BUD23: variants seen among roughly 807,000 people sequenced by gnomAD.
BUD23 encodes the protein 18S rRNA (guanine-N(7))-methyltransferase.
A neutral mutation model predicts 47.0 loss-of-function variants in BUD23; 34 were observed. That is an observed-to-expected ratio of 0.72 (90% CI 0.55 to 0.96). The LOEUF (loss-of-function observed/expected upper bound fraction) is 0.96, where lower values mean the gene tolerates loss of function less well. BUD23 is among the 40% of genes least tolerant of loss of function. The probability of loss-of-function intolerance (pLI) is 0.00; values close to 1 mark genes in which losing one functional copy is unlikely to be tolerated. For synonymous variants in BUD23, 124 were observed against 132.0 expected, an observed-to-expected ratio of 0.94 and a Z score of 0.41; for missense variants, 343 against 361.2, an observed-to-expected ratio of 0.95 and a Z score of 0.41.
Position 73,697,960 on chromosome 7 carries a change from A to T in BUD23, c.*74A>T. The T allele has an allele frequency of 1.3e-6, 2 of 1,528,604 alleles. No homozygotes were observed. Among genetic ancestry groups the T allele is most frequent in the African/African-American group, 1.4e-5 (1 of 71,562 alleles). The allele number at this position is 1,528,604 out of a possible 1,614,324, so 94.7% of individuals were successfully genotyped here. A position where few individuals can be genotyped will look rare whatever the true frequency, so the allele number is the denominator to read the frequency against. On this transcript the variant is annotated 3_prime_UTR_variant, in exon 12 of 12. Transcript: ENST00000265758. The stretch of plus-strand genomic sequence containing the variant: ...TGTTCAGCTGACAAAGTAGTATTTT[A>T]GAAAAGTTCTAAAGTTATAAAAATG...
rs1262372641 is a variant in BUD23 at position 73,692,621 on chromosome 7, A to G, written c.485A>G (p.Gln162Arg). 1.2e-6 allele frequency: 2 copies of G among 1,614,002 alleles called. No individual in the cohort carries two copies. Among genetic ancestry groups the G allele is most frequent in the East Asian group, 4.5e-5 (2 of 44,872 alleles). ...GTCCGGGGATCCCGAGCTGTCCTGC[A>G]GCTGTACCCTGAGAACTCAGAGCAG... The part of the protein sequence containing the change: ...VLVRGSRAVL[Q>R]LYPENSEQLE... Residue 162 changes from glutamine to arginine, a missense_variant, in exon 7 of 12, where the codon CAG becomes CGG. Physicochemically the swap from Gln to Arg is conservative, Grantham distance 43. Coordinates refer to ENST00000265758, the MANE Select transcript of BUD23 (RefSeq NM_017528.5).
At chr7:73,692,281 C>T (rs1396994933) in intron 6 of BUD23, among the ~76,000 whole-genome samples, 1 of 152,220 alleles carries the variant, frequency 6.6e-6, no homozygotes, top group East Asian at 1.9e-4. Context: ...CAAATCTCTG[C>T]TCAAGTATCC....
chr7:73,685,291 A>G (rs1305276691), intron 2 of BUD23, among the ~76,000 whole-genome samples: 4 of 152,212 alleles, frequency 2.6e-5, no homozygotes, highest in Non-Finnish European at 5.9e-5. Context: ...ATAAATAAAT[A>G]AATAGCTATT....
Position 73,683,599 on chromosome 7 carries a change from T to C in BUD23, c.-27T>C. The C allele has an allele frequency of 2.5e-6, 4 of 1,593,788 alleles. No individual in the cohort carries two copies. Among genetic ancestry groups the C allele is most frequent in the Non-Finnish European group, 3.4e-6 (4 of 1,171,404 alleles). On this transcript the variant is annotated 5_prime_UTR_variant, in exon 1 of 12. Coordinates refer to ENST00000265758, the MANE Select transcript of BUD23 (RefSeq NM_017528.5). ...AAAACCGGGTGCCGGCAGGCGCCAGTCGCAGGTGTGCTGCTGAGGCGTGAG... is the reference window on the plus strand; with the variant it reads ...AAAACCGGGTGCCGGCAGGCGCCAGCCGCAGGTGTGCTGCTGAGGCGTGAG...
chr7:73,684,849 G>A (rs1797888165), intron 2 of BUD23, among the ~76,000 whole-genome samples: 1 of 143,698 alleles, frequency 7.0e-6, no homozygotes, highest in Admixed American at 7.3e-5. Flanking sequence ...GCTTGAACCC[G>A]GGAGGGGGAG....
intron 10 of BUD23, chr7:73,694,389 C>T (rs1470395208): frequency 7.7e-6 from 2 of 258,966 alleles, no homozygotes; most frequent in Non-Finnish European, 7.3e-6. Context: ...GCTCTCCCTT[C>T]CTTCCTGCAT....
intron 2 of BUD23, 137 bp downstream of exon 2, chr7:73,683,941 T>G (rs576109862): frequency 6.4e-7 from 1 of 1,569,822 alleles, no homozygotes; most frequent in South Asian, 1.2e-5. Flanking sequence ...CCGATTTCTG[T>G]CTCTGGTAAA....
chr7:73,693,128 T>C, intron 7 of BUD23: 1 of 601,354 alleles, frequency 1.7e-6, no homozygotes, highest in Admixed American at 2.9e-5. Context: ...GGGAGTTGCT[T>C]TGTTCTGTAA....
chr7:73,684,923 CAAAAAAAAAAAAAAAAAAAAAAAAAA>C (rs56229090), intron 2 of BUD23, among the ~76,000 whole-genome samples: 15 of 49,138 alleles, frequency 3.1e-4, no homozygotes, highest in African/African-American at 1.5e-3. Flanking sequence ...GACTTTGTTT[CAAAAAAAAAAAAAAAAAAAAAAAAAA>C]AAAAAAAAAA....
chr7:73,683,775 CGA>C lies in BUD23; in HGVS notation c.60_61del (p.Glu20AspfsTer14). The C allele has an allele frequency of 1.2e-6, 2 of 1,614,140 alleles. No homozygotes were observed. The highest frequency in any genetic ancestry group is 1.7e-6 in the Non-Finnish European group (2 of 1,180,042). The stretch of plus-strand genomic sequence containing the variant: ...TTTTCTCTTTTTCGCAGTTTTATGA[CGA>C]GACAGAAGCCCGGAAATACGTTCGC... The part of the protein sequence containing the change: ...HGGPPELFYD[E>X]TEARKYVRNS... On this transcript the variant is annotated frameshift_variant, in exon 2 of 12. Transcript: ENST00000265758. LOFTEE classifies it high-confidence loss of function.
intron 2 of BUD23, among the ~76,000 whole-genome samples, chr7:73,685,051 A>T (rs1797908384): frequency 6.6e-6 from 1 of 151,396 alleles, no homozygotes; most frequent in African/African-American, 2.4e-5. Context: ...TCATACCAGT[A>T]ATCCCAGCCC....
intron 2 of BUD23, among the ~76,000 whole-genome samples, chr7:73,684,617 A>AAGGGGGG (rs1554612517): frequency 3.8e-4 from 33 of 86,554 alleles, no homozygotes; most frequent in South Asian, 4.8e-4. Flanking sequence ...AAAAAAAAAA[A>AAGGGGGG]GGGGGGGGGA....
intron 6 of BUD23, among the ~76,000 whole-genome samples, chr7:73,692,117 C>A (rs1401448066): frequency 6.6e-6 from 1 of 152,134 alleles, no homozygotes; most frequent in African/African-American, 2.4e-5. Flanking sequence ...GTGGACTGCG[C>A]CTGCCTATCT....
At chr7:73,685,702 C>A (rs1379742394) in intron 2 of BUD23, among the ~76,000 whole-genome samples, 1 of 151,992 alleles carries the variant, frequency 6.6e-6, no homozygotes, top group African/African-American at 2.4e-5. Context: ...CAGGCCCGGT[C>A]CTTGCTGATG....
At position 73,683,662 on chromosome 7, in the gene BUD23, C is replaced by T. The variant is rs1005891041; in HGVS notation, c.37C>T (p.Pro13Ser). The change falls in exon 1 of 12, where the codon CCC becomes TCC. Residue 13 changes from proline to serine, a missense_variant. By Grantham distance (74) the Pro-to-Ser change is moderately conservative (BLOSUM62 -1). Coordinates refer to ENST00000265758, the MANE Select transcript of BUD23 (RefSeq NM_017528.5). ...SRGRRPEHGG[P>S]PELFYDETEA... ...CGGCCGGCGTCCGGAGCATGGCGGA[C>T]CCCCAGAGCTGGTAAGTCCCGGGGC... The T allele has an allele frequency of 5.0e-6, 8 of 1,613,182 alleles. No homozygotes were observed. The Admixed American group carries it at 5.0e-5, about 10-fold the overall frequency.
At chr7:73,688,356 A>G (rs879947558) in intron 5 of BUD23, among the ~76,000 whole-genome samples, 47 of 152,106 alleles carry the variant, frequency 3.1e-4, no homozygotes, top group Admixed American at 3.1e-3. Flanking sequence ...TCATCTCAAA[A>G]ATAAAACTTG....
chr7:73,695,263 T>G (rs1554614698), intron 10 of BUD23: 1 of 80,908 alleles, frequency 1.2e-5, no homozygotes, highest in Admixed American at 1.4e-4. Context: ...TCCTCCATTC[T>G]TTTTTTTTTT....
Position 73,683,636 on chromosome 7 carries a change from G to C in BUD23, c.11G>C (p.Arg4Pro), listed in dbSNP as rs1554612048. The C allele has an allele frequency of 3.1e-6, 5 of 1,611,048 alleles. No homozygotes were observed. Among genetic ancestry groups the C allele is most frequent in the Middle Eastern group, 1.7e-4 (1 of 5,882 alleles). Residue 4 changes from arginine to proline, a missense_variant, in exon 1 of 12, where the codon CGC (arginine) becomes CCC (proline). Arg to Pro is a moderately radical substitution (Grantham distance 103, BLOSUM62 -2). Coordinates refer to ENST00000265758, the MANE Select transcript of BUD23 (RefSeq NM_017528.5). ...TGCTGAGGCGTGAGAATGGCGTCCC[G>C]CGGCCGGCGTCCGGAGCATGGCGGA... is the stretch of plus-strand genomic sequence containing the variant. MASRGRRPEHGGPP... is the reference protein window; with the variant it reads MASPGRRPEHGGPP...
intron 10 of BUD23, chr7:73,694,594 A>G (rs10479665): frequency 0.85 from 130,251 of 152,624 alleles, 56,856 homozygotes; most frequent in Non-Finnish European, 0.95. Flanking sequence ...TCAGGCTGAC[A>G]ATTCTGTCTC....
Sources: allele counts gnomAD v4.1 joint callset (sites outside exome capture counted in the v4.1 genomes callset), GRCh38; gene constraint gnomAD v4.1.1; transcripts MANE v1.5; gene names NCBI Gene and HGNC (gene_info 2026-07-23, HGNC 2026-07-21).